Variants in ZRANB1 observed in about 807,000 individuals in gnomAD.
The protein encoded by ZRANB1 is ubiquitin thioesterase ZRANB1.
ZRANB1 carries 16 observed loss-of-function variants against 80.5 expected under a neutral mutation model. That is an observed-to-expected ratio of 0.20 (90% CI 0.13 to 0.30). The LOEUF (loss-of-function observed/expected upper bound fraction) is 0.30. Ranked by LOEUF, ZRANB1 falls within the 10% of genes least tolerant of loss-of-function variation. ZRANB1 has a pLI of 1.00. For missense variants in ZRANB1, 576 were observed against 862.6 expected, an observed-to-expected ratio of 0.67 and a Z score of 4.16; for synonymous variants, 291 against 293.1, an observed-to-expected ratio of 0.99 and a Z score of 0.07.
chr10:124,971,284 AT>A (rs1951823067), intron 2 of ZRANB1, among the ~76,000 whole-genome samples: 2 of 152,400 alleles, frequency 1.3e-5, no homozygotes, highest in Middle Eastern at 3.4e-3. Context: ...GAATAAAAAA[AT>A]AACAAAAGAA....
Position 124,942,344 on chromosome 10 carries a change from A to C in ZRANB1, c.-150A>C, listed in dbSNP as rs1951543337. 9 of 1,439,186 alleles carry C rather than the reference A, an allele frequency of 6.3e-6. No individual in the cohort carries two copies. Among genetic ancestry groups the C allele is most frequent in the Non-Finnish European group, 8.2e-6 (9 of 1,101,246 alleles). 89.2% of individuals were successfully genotyped at this position (1,439,186 alleles called of 1,614,324 possible). On this transcript the variant is annotated 5_prime_UTR_variant, in exon 1 of 9. It removes an upstream start codon present in the reference 5' UTR. Transcript: ENST00000359653. ...GGATAATTCAATGTCGAAATGTTGC[A>C]TGCATCTTTTGAGAAATTTATATTT... is the stretch of plus-strand genomic sequence containing the variant.
the ZRANB1 span, among the ~76,000 whole-genome samples, chr10:124,933,200 G>A: frequency 7.8e-6 from 1 of 128,394 alleles, no homozygotes; most frequent in Non-Finnish European, 1.7e-5. Context: ...GCAATGGCGC[G>A]ATCTCGGCTC....
the ZRANB1 span, among the ~76,000 whole-genome samples, chr10:124,928,255 A>G: frequency 6.6e-6 from 1 of 152,302 alleles, no homozygotes; most frequent in African/African-American, 2.4e-5. Flanking sequence ...TGTCATCTTT[A>G]GGGACTAGCA....
At chr10:124,954,140 GTTTTTTTTTTTTTT>G (rs55962412) in intron 1 of ZRANB1, among the ~76,000 whole-genome samples, 3 of 52,512 alleles carry the variant, frequency 5.7e-5, no homozygotes, top group African/African-American at 2.5e-4. Flanking sequence ...GCTAATTCCT[GTTTTTTTTTTTTTT>G]TTTTTTTTTT....
At chr10:124,920,840 G>A in the ZRANB1 span, among the ~76,000 whole-genome samples, 1 of 151,914 alleles carries the variant, frequency 6.6e-6, no homozygotes, top group African/African-American at 2.4e-5. Context: ...TGCCAAATGG[G>A]TATATCTCTA....
chr10:124,922,153 C>T, the ZRANB1 span, among the ~76,000 whole-genome samples: 194 of 150,968 alleles, frequency 1.3e-3, no homozygotes, highest in African/African-American at 4.4e-3. Context: ...ATATTGCCCC[C>T]AGGCTGGTCT....
intron 1 of ZRANB1, among the ~76,000 whole-genome samples, chr10:124,955,223 G>GTTTTTTTTGTTTTTT (rs1951679233): frequency 6.7e-6 from 1 of 150,322 alleles, no homozygotes. Context: ...ACATTAAAAG[G>GTTTTTTTTGTTTTTT]TTTTTTTTTG....
rs1951547306 is a variant in ZRANB1 at position 124,942,702 on chromosome 10, C to G, written c.209C>G (p.Ser70Cys). The G allele has an allele frequency of 1.2e-6, 2 of 1,614,220 alleles. No homozygotes were observed. Among genetic ancestry groups the G allele is most frequent in the Non-Finnish European group, 1.7e-6 (2 of 1,180,042 alleles). The stretch of plus-strand genomic sequence containing the variant: ...AGTAGTCCTTTGATATGTCCAGACT[C>G]TAGTGCAAGACCAAGGGTGAAATCT... ...GGSSPLICPD[S>C]SARPRVKSSY... The change falls in exon 1 of 9, where the codon TCT becomes TGT. Residue 70 changes from serine (S) to cysteine (C), a missense_variant. Around this residue, in one of 3 missense-constraint regions of ZRANB1, gnomAD observed 411 missense variants for 583.1 expected, o/e 0.70. Transcript: ENST00000359653.
At chr10:124,926,417 T>A in the ZRANB1 span, among the ~76,000 whole-genome samples, 1 of 152,220 alleles carries the variant, frequency 6.6e-6, no homozygotes, top group Admixed American at 6.5e-5. Context: ...GATCCTTACC[T>A]TATAAGCTTT....
In ZRANB1 at chr10:124,971,880, T is replaced by C; in HGVS notation, c.1003-85T>C. ...AAGAAAACCTTGAGTTATTGGGAAA[T>C]TTTGCTGATTTCTTTTAAATACTGT... On this transcript the variant is annotated intron_variant, in intron 2 of 8. Coordinates refer to ENST00000359653, the MANE Select transcript of ZRANB1 (RefSeq NM_017580.3). The C allele has an allele frequency of 2.3e-6, 3 of 1,327,082 alleles. No individual in the cohort carries two copies. The South Asian group carries it at 6.2e-5, about 28-fold the overall frequency. The allele number at this position is 1,327,082 out of a possible 1,614,324, so 82.2% of individuals were successfully genotyped here. A position where few individuals can be genotyped will look rare whatever the true frequency, so the allele number is the denominator to read the frequency against.
At position 124,942,726 on chromosome 10, in the gene ZRANB1, C is replaced by A; in HGVS notation, c.233C>A (p.Ser78Tyr). The part of the protein sequence containing the change: ...PDSSARPRVK[S>Y]SYSMENANKW... ...TCTAGTGCAAGACCAAGGGTGAAAT[C>A]TTCGTATAGCATGGAAAATGCAAAT... The change falls in exon 1 of 9, where the codon TCT becomes TAT. Residue 78 changes from serine to tyrosine, a missense_variant. Transcript: ENST00000359653. 6.2e-7 allele frequency: 1 copy of A among 1,614,168 alleles called. No individual in the cohort carries two copies. The highest frequency in any genetic ancestry group is 1.1e-5 in the South Asian group (1 of 91,074).
chr10:124,987,050 G>C lies in ZRANB1; in HGVS notation c.*2058G>C, dbSNP rs1589862445. ...TTCTTCCCTGTGGGAAAGAATTAAA[G>C]ATGGTTCCATTTCCTAGGCTACAGA... On this transcript the variant is annotated 3_prime_UTR_variant, in exon 9 of 9. Coordinates refer to ENST00000359653, the MANE Select transcript of ZRANB1 (RefSeq NM_017580.3). 6.5e-6 allele frequency: 1 copy of C among 152,694 alleles called. No individual in the cohort carries two copies. The highest frequency in any genetic ancestry group is 2.1e-4 in the South Asian group (1 of 4,822). 9.5% of individuals were successfully genotyped at this position (152,694 alleles called of 1,614,324 possible).
the ZRANB1 span, among the ~76,000 whole-genome samples, chr10:124,925,288 T>A: frequency 2.6e-5 from 4 of 152,280 alleles, no homozygotes; most frequent in East Asian, 1.9e-4. Flanking sequence ...GTTTTTTTTT[T>A]AAATTGTCAT....
rs1952100808 is a variant in ZRANB1, at chr10:124,987,895, A to AAAT, written c.*2904_*2906dup. 1 of 152,336 alleles carries AAAT rather than the reference A, an allele frequency of 6.6e-6. No individual in the cohort carries two copies. Among genetic ancestry groups the AAAT allele is most frequent in the South Asian group, 2.1e-4 (1 of 4,834 alleles). 9.4% of individuals were successfully genotyped at this position (152,336 alleles called of 1,614,324 possible). On this transcript the variant is annotated 3_prime_UTR_variant, in exon 9 of 9. Coordinates refer to ENST00000359653, the MANE Select transcript of ZRANB1 (RefSeq NM_017580.3). ...ATTCTATTTAAAAAGAAGATCCATT[A>AAAT]AATCAAGCTCTTAACTCATGGGACT...
intron 1 of ZRANB1, among the ~76,000 whole-genome samples, chr10:124,950,944 G>T (rs931153762): frequency 1.3e-5 from 2 of 152,160 alleles, no homozygotes; most frequent in Non-Finnish European, 2.9e-5. Flanking sequence ...CTGCATTGCA[G>T]CCTGGGTGAC....
At chr10:124,918,857 T>TGG in the ZRANB1 span, among the ~76,000 whole-genome samples, 1 of 152,244 alleles carries the variant, frequency 6.6e-6, no homozygotes, top group African/African-American at 2.4e-5. Flanking sequence ...ATTGGGCTGT[T>TGG]GGGGGTTTAC....
At chr10:124,941,703 T>G (rs1192066113), upstream of ZRANB1, among the ~76,000 whole-genome samples, 1 of 152,214 alleles carries the variant, frequency 6.6e-6, no homozygotes, top group Non-Finnish European at 1.5e-5. Flanking sequence ...ATATTTTAAT[T>G]ATGAACATTC....
the ZRANB1 span, among the ~76,000 whole-genome samples, chr10:124,927,909 T>A: frequency 6.6e-6 from 1 of 152,148 alleles, no homozygotes; most frequent in Non-Finnish European, 1.5e-5. Context: ...TGGTGGCACA[T>A]GCCCATAATC....
the ZRANB1 span, among the ~76,000 whole-genome samples, chr10:124,928,173 C>T: frequency 8.5e-5 from 13 of 152,070 alleles, no homozygotes; most frequent in South Asian, 4.1e-4. Flanking sequence ...GTATATAAAA[C>T]GGGGTAAGAA....
Sources: gnomAD v4.1 joint callset for allele counts (sites outside exome capture counted in the v4.1 genomes callset) on GRCh38, gnomAD v4.1.1 for gene constraint, gnomAD v4.1.1 regional missense constraint, MANE v1.5 for transcripts, NCBI Gene and HGNC (gene_info 2026-07-23, HGNC 2026-07-21) for gene names.